The following ACOT1 variants were observed in gnomAD, a reference collection of about 807,000 sequenced individuals.
The protein encoded by ACOT1 is acyl-CoA thioesterase 1.
Under a neutral mutation model 15.7 loss-of-function variants are expected in ACOT1, and 8 were observed. The observed-to-expected ratio is 0.51, with a 90% CI of 0.30 to 0.92. ACOT1 has a LOEUF of 0.92. ACOT1 is among the 40% of genes least tolerant of loss of function. The pLI, the probability that ACOT1 is intolerant of heterozygous loss-of-function variation, is 0.06. For synonymous variants in ACOT1, 67 were observed against 241.2 expected (o/e 0.28, Z 6.69); for missense variants, 151 against 539.4 (o/e 0.28, Z 7.13).
the ACOT1 span, chr14:73,491,404 C>A: frequency 7.4e-7 from 1 of 1,346,012 alleles, no homozygotes; most frequent in Non-Finnish European, 9.5e-7. Flanking sequence ...CCGCGCCGCC[C>A]GCGCGCCTGG....
the ACOT1 span, chr14:73,530,673 G>C: frequency 8.2e-6 from 1 of 122,252 alleles, no homozygotes; most frequent in African/African-American, 2.7e-5. Flanking sequence ...TTGAGACAGG[G>C]TCTCACTCTC....
At chr14:73,499,034 T>G in the ACOT1 span, 2 of 1,567,012 alleles carry the variant, frequency 1.3e-6, no homozygotes, top group South Asian at 1.1e-5. Flanking sequence ...CAAAGGTATT[T>G]AAGGTTGAAG....
At chr14:73,521,668 C>T in the ACOT1 span, among the ~76,000 whole-genome samples, 223 of 152,314 alleles carry the variant, frequency 1.5e-3, 3 homozygotes, top group Admixed American at 2.7e-3. Flanking sequence ...TAGAAGCAAT[C>T]TAAGAAACAT....
At chr14:73,495,063 A>G in the ACOT1 span, among the ~76,000 whole-genome samples, 1 of 19,402 alleles carries the variant, frequency 5.2e-5, no homozygotes, top group Non-Finnish European at 1.1e-4. Flanking sequence ...CAAACAAACA[A>G]AAAAAAAACA....
the ACOT1 span, chr14:73,500,499 T>C: frequency 6.4e-7 from 1 of 1,557,752 alleles, no homozygotes; most frequent in East Asian, 2.3e-5. Flanking sequence ...GGGAAGGTAA[T>C]GCCCTCTTCA....
the ACOT1 span, chr14:73,508,106 T>G: frequency 3.7e-6 from 6 of 1,609,234 alleles, no homozygotes; most frequent in Non-Finnish European, 5.1e-6. Context: ...TCCCCAAAAC[T>G]GTGTCTGACC....
chr14:73,494,537 G>A, the ACOT1 span, among the ~76,000 whole-genome samples: 1 of 152,002 alleles, frequency 6.6e-6, no homozygotes, highest in Non-Finnish European at 1.5e-5. Flanking sequence ...CCAGAGACAA[G>A]CACTATTTTT....
At chr14:73,534,259 A>G (rs1450590905), upstream of ACOT1, among the ~76,000 whole-genome samples, 1 of 110,366 alleles carries the variant, frequency 9.1e-6, no homozygotes, top group Admixed American at 1.0e-4. Flanking sequence ...TGTGACTGTA[A>G]TCCCAGCTAC....
the ACOT1 span, chr14:73,491,398 G>T: frequency 4.5e-5 from 60 of 1,346,102 alleles, no homozygotes; most frequent in African/African-American, 8.9e-4. Context: ...CCGCTTCCGC[G>T]CCGCCCGCGC....
chr14:73,510,634 C>T, the ACOT1 span, among the ~76,000 whole-genome samples: 1 of 152,052 alleles, frequency 6.6e-6, no homozygotes, highest in Non-Finnish European at 1.5e-5. Context: ...TGAGGTTTCA[C>T]CATGTTGGCC....
chr14:73,504,044 T>C, the ACOT1 span, among the ~76,000 whole-genome samples: 1 of 152,160 alleles, frequency 6.6e-6, no homozygotes, highest in Non-Finnish European at 1.5e-5. Context: ...CAGATTCTGA[T>C]TGAGCTGGCT....
In ACOT1 at chr14:73,543,005, G is replaced by A. The variant is rs1279842480; in HGVS notation, c.661-45G>A. 6.4e-6 allele frequency: 8 copies of A among 1,242,956 alleles called. 3 individuals carry two copies. The African/African-American group carries it at 9.8e-5, about 15-fold the overall frequency. The allele number at this position is 1,242,956 out of a possible 1,614,324, so 77.0% of individuals were successfully genotyped here. ...TGGGCACAACTCACCATATTCCACT[G>A]TTTGTGGAGCCATTCTTCTTCTTTT... On this transcript the variant is annotated intron_variant, in intron 2 of 2. Transcript: ENST00000311148.
the ACOT1 span, among the ~76,000 whole-genome samples, chr14:73,526,691 A>G: frequency 1.3e-5 from 2 of 152,240 alleles, no homozygotes; most frequent in African/African-American, 2.4e-5. Flanking sequence ...ACCCTGCGCC[A>G]GAAGGGAATC....
At chr14:73,524,729 A>G in the ACOT1 span, among the ~76,000 whole-genome samples, 6 of 150,276 alleles carry the variant, frequency 4.0e-5, no homozygotes, top group African/African-American at 1.5e-4. Flanking sequence ...CCCAAGCACC[A>G]CTCCCTACCA....
chr14:73,527,324 C>T, the ACOT1 span: 3 of 151,458 alleles, frequency 2.0e-5, no homozygotes, highest in Non-Finnish European at 4.4e-5. Context: ...CACCAGTGAC[C>T]AATCCAGGAG....
At chr14:73,493,249 C>T in the ACOT1 span, 2 of 730,638 alleles carry the variant, frequency 2.7e-6, no homozygotes, top group Non-Finnish European at 2.3e-6. Flanking sequence ...CCATGTCGTT[C>T]TGCTTGAGAC....
chr14:73,535,556 C>T (rs1888840774), upstream of ACOT1, among the ~76,000 whole-genome samples: 1 of 91,534 alleles, frequency 1.1e-5, no homozygotes, highest in Non-Finnish European at 2.2e-5. Context: ...GCAAGCACTG[C>T]CTCCAGGGTT....
chr14:73,510,642 G>A, the ACOT1 span, among the ~76,000 whole-genome samples: 1 of 152,088 alleles, frequency 6.6e-6, no homozygotes, highest in East Asian at 1.9e-4. Context: ...CACCATGTTG[G>A]CCAGGCTGGT....
the ACOT1 span, chr14:73,499,243 T>G: frequency 3.0e-6 from 3 of 990,534 alleles, no homozygotes; most frequent in East Asian, 2.4e-5. Context: ...CATTTTGGGA[T>G]GCCAAGGTGG....
Sources: gnomAD v4.1 joint callset for allele counts (sites outside exome capture counted in the v4.1 genomes callset) on GRCh38, gnomAD v4.1.1 for gene constraint, MANE v1.5 for transcripts, NCBI Gene and HGNC (gene_info 2026-07-23, HGNC 2026-07-21) for gene names.